ITGA8: variants seen among roughly 807,000 people sequenced by gnomAD.
ITGA8 encodes the protein integrin subunit alpha 8.
In ITGA8, 91 loss-of-function variants were observed where a neutral mutation model predicts 142.3. That is an observed-to-expected ratio of 0.64 (90% CI 0.54 to 0.76). ITGA8 has a LOEUF of 0.76. Ranked by LOEUF, ITGA8 falls within the 30% of genes least tolerant of loss-of-function variation. The pLI is 0.00. For missense variants in ITGA8, 1,406 were observed against 1,327.7 expected (o/e 1.06, Z -0.92); for synonymous variants, 505 against 485.2 (o/e 1.04, Z -0.54).
chr10:15,546,446 T>C (rs141168914), intron 27 of ITGA8, among the ~76,000 whole-genome samples: 134 of 152,338 alleles, frequency 8.8e-4, no homozygotes, highest in African/African-American at 3.1e-3. Flanking sequence ...ACTGTACTTC[T>C]CCTTAGGTCA....
intron 2 of ITGA8, among the ~76,000 whole-genome samples, chr10:15,694,767 AC>A (rs554553702): frequency 5.1e-4 from 75 of 145,962 alleles, no homozygotes; most frequent in African/African-American, 1.8e-3. Flanking sequence ...ATTCAAAAGA[AC>A]CCCCCAGACA....
Position 15,719,798 on chromosome 10 carries a change from T to A in ITGA8, c.-27A>T. 7.5e-7 allele frequency: 1 copy of A among 1,324,704 alleles called. No individual in the cohort carries two copies. The highest frequency in any genetic ancestry group is 9.6e-7 in the Non-Finnish European group (1 of 1,042,808). 82.1% of individuals were successfully genotyped at this position (1,324,704 alleles called of 1,614,324 possible). On this transcript the variant is annotated 5_prime_UTR_variant, in exon 1 of 30. Transcript: ENST00000378076. ...TCCCTCCGCCCCGGTGGGTGGCTGC[T>A]ACCCAGGAGCGCGAGCCGAGGACCC... is the stretch of plus-strand genomic sequence containing the variant.
intron 11 of ITGA8, among the ~76,000 whole-genome samples, chr10:15,649,345 G>A (rs886146235): frequency 3.3e-5 from 5 of 151,830 alleles, no homozygotes; most frequent in Non-Finnish European, 2.9e-5. Context: ...TAAAAATTGG[G>A]CAAGGCCAGT....
chr10:15,630,679 C>A (rs1833668709), intron 13 of ITGA8, among the ~76,000 whole-genome samples: 1 of 151,780 alleles, frequency 6.6e-6, no homozygotes, highest in Non-Finnish European at 1.5e-5. Context: ...AGGTGAATGA[C>A]CTGAAAATAT....
intron 28 of ITGA8, among the ~76,000 whole-genome samples, chr10:15,530,322 C>A (rs144030920): frequency 6.6e-6 from 1 of 151,834 alleles, no homozygotes; most frequent in African/African-American, 2.4e-5. Flanking sequence ...CTGAGGCGGG[C>A]GGATCACAAG....
At chr10:15,716,670 A>ATTTTTTTTT (rs796458374) in intron 2 of ITGA8, among the ~76,000 whole-genome samples, 7 of 135,050 alleles carry the variant, frequency 5.2e-5, no homozygotes, top group African/African-American at 1.9e-4. Context: ...AACCTATTGT[A>ATTTTTTTTT]TTTTTTTTTT....
At chr10:15,664,419 T>C (rs1460153405) in intron 8 of ITGA8, among the ~76,000 whole-genome samples, 3 of 152,226 alleles carry the variant, frequency 2.0e-5, no homozygotes, top group African/African-American at 7.2e-5. Context: ...TGCAAAACTT[T>C]ATGATTTTCT....
intron 2 of ITGA8, among the ~76,000 whole-genome samples, chr10:15,707,961 G>A (rs11253610): frequency 6.9e-6 from 1 of 144,872 alleles, no homozygotes; most frequent in Non-Finnish European, 1.5e-5. Context: ...TGCACACACC[G>A]ACACACACAC....
rs538392254 is a variant in ITGA8, at chr10:15,698,927, A to G, written c.344-10889T>C. ...TCTTTTCAGTTTAATTAAGTCCCAG[A>G]TATCTATCTTTGTTTTGGTTGCATT... On this transcript the variant is annotated intron_variant, in intron 2 of 29. Coordinates refer to ENST00000378076, the MANE Select transcript of ITGA8 (RefSeq NM_003638.3). Among the ~76,000 whole-genome samples, 5 of 152,248 alleles carry G rather than the reference A, an allele frequency of 3.3e-5. No individual in the cohort carries two copies. The South Asian group carries it at 1.0e-3, about 32-fold the overall frequency.
At position 15,604,322 on chromosome 10, in the gene ITGA8, A is replaced by G; in HGVS notation, c.2004T>C (p.Asn668=). 6.2e-7 allele frequency: 1 copy of G among 1,612,132 alleles called. No individual in the cohort carries two copies. Among genetic ancestry groups the G allele is most frequent in the South Asian group, 1.1e-5 (1 of 90,684 alleles). ...DKHQVIIGDE[N]HLMLIINARN... is the part of the protein sequence containing the mutation. ...TTGCATTTATTATGAGCATAAGGTG[A>G]TTTTCATCTCCAATGATTACCTGAT... Residue 668 remains asparagine (N), a synonymous_variant, in exon 20 of 30, where the codon AAT becomes AAC. Coordinates refer to ENST00000378076, the MANE Select transcript of ITGA8 (RefSeq NM_003638.3).
intron 26 of ITGA8, among the ~76,000 whole-genome samples, chr10:15,557,771 G>A (rs1005148733): frequency 2.6e-5 from 4 of 152,286 alleles, no homozygotes; most frequent in Admixed American, 2.6e-4. Flanking sequence ...TCTATGCACG[G>A]ACTAACAACT....
At chr10:15,711,707 T>A (rs2131738893) in intron 2 of ITGA8, among the ~76,000 whole-genome samples, 1 of 151,962 alleles carries the variant, frequency 6.6e-6, no homozygotes, top group African/African-American at 2.4e-5. Context: ...TCTCTTCCAC[T>A]CCCAATGCCT....
At chr10:15,593,673 A>G (rs1229528571) in intron 21 of ITGA8, among the ~76,000 whole-genome samples, 1 of 152,168 alleles carries the variant, frequency 6.6e-6, no homozygotes, top group Non-Finnish European at 1.5e-5. Flanking sequence ...CCCTTGCCGA[A>G]TGTGCTTCGA....
At chr10:15,564,434 G>A (rs972925804) in intron 25 of ITGA8, among the ~76,000 whole-genome samples, 2 of 152,196 alleles carry the variant, frequency 1.3e-5, no homozygotes, top group Non-Finnish European at 2.9e-5. Flanking sequence ...CAGTTCCCAG[G>A]ACAATTCATT....
chr10:15,639,139 A>G (rs1162505932), intron 13 of ITGA8, among the ~76,000 whole-genome samples: 2 of 151,992 alleles, frequency 1.3e-5, no homozygotes, highest in East Asian at 1.9e-4. Context: ...CTTAAAAAAA[A>G]AAAAAAGTTG....
chr10:15,557,341 C>T (rs940173887), intron 26 of ITGA8, among the ~76,000 whole-genome samples: 1 of 152,168 alleles, frequency 6.6e-6, no homozygotes, highest in African/African-American at 2.4e-5. Context: ...GATTGCACCA[C>T]TGCACTCCAG....
In ITGA8 at chr10:15,648,015, A is replaced by G. The variant is rs1455449794; in HGVS notation, c.1002-964T>C. On this transcript the variant is annotated intron_variant, in intron 11 of 29. Coordinates refer to ENST00000378076, the MANE Select transcript of ITGA8 (RefSeq NM_003638.3). ...AAGCAAATTATTTAGAGATAAAGAT[A>G]TAACCACCTGGAGAAAAAATAAAAA... Among the ~76,000 whole-genome samples the G allele has an allele frequency of 2.6e-5, 4 of 152,240 alleles. No homozygotes were observed. The East Asian group carries it at 7.7e-4, about 29-fold the overall frequency.
rs745331218 is a variant in ITGA8, at chr10:15,660,882, T to G, written c.888A>C (p.Gly296=). The change falls in exon 9 of 30, where the codon GGA becomes GGC. Residue 296 remains glycine, a synonymous_variant. Coordinates refer to ENST00000378076, the MANE Select transcript of ITGA8 (RefSeq NM_003638.3). Reference sequence around the variant, plus strand: ...GTAATGCATTCTCAGTACTCACATATCCAAAATTCTGTGCTCCTCTTGGAA... The same window carrying G: ...GTAATGCATTCTCAGTACTCACATAGCCAAAATTCTGTGCTCCTCTTGGAA... ...AGIPRGAQNF[G]YVSIINSTDM... 1 of 1,613,224 alleles carries G rather than the reference T, an allele frequency of 6.2e-7. No homozygotes were observed. Among genetic ancestry groups the G allele is most frequent in the Non-Finnish European group, 8.5e-7 (1 of 1,179,422 alleles).
At chr10:15,628,366 C>G (rs1588684762) in intron 13 of ITGA8, among the ~76,000 whole-genome samples, 3 of 113,514 alleles carry the variant, frequency 2.6e-5, no homozygotes, top group East Asian at 3.0e-4. Flanking sequence ...TGGAGTCTCG[C>G]TCTGTCTAGC....
Sources: allele counts gnomAD v4.1 joint callset (sites outside exome capture counted in the v4.1 genomes callset), GRCh38; gene constraint gnomAD v4.1.1; transcripts MANE v1.5; gene names NCBI Gene and HGNC (gene_info 2026-07-23, HGNC 2026-07-21).